Variants in RIPOR2 observed in about 807,000 individuals in gnomAD.
RIPOR2 encodes the protein rho family-interacting cell polarization regulator 2.
A neutral mutation model predicts 114.5 loss-of-function variants in RIPOR2; 39 were observed. The ratio of observed to expected loss-of-function variants is 0.34; its 90% CI spans 0.26 to 0.44. The LOEUF (loss-of-function observed/expected upper bound fraction) is 0.44. RIPOR2 is among the 20% of genes least tolerant of loss of function. The pLI is 1.00. For missense variants in RIPOR2, 1,007 were observed against 1,255.1 expected, an observed-to-expected ratio of 0.80 and a Z score of 2.99; for synonymous variants, 445 against 484.4, an observed-to-expected ratio of 0.92 and a Z score of 1.07.
At chr6:24,876,293 A>G (rs1216887790) in intron 1 of RIPOR2, among the ~76,000 whole-genome samples, 1 of 152,204 alleles carries the variant, frequency 6.6e-6, no homozygotes, top group Non-Finnish European at 1.5e-5. Context: ...TCTGTCTAAA[A>G]AAAAAGAAAA....
At chr6:24,925,625 C>T (rs1354223626) in intron 1 of RIPOR2, among the ~76,000 whole-genome samples, 3 of 152,052 alleles carry the variant, frequency 2.0e-5, no homozygotes, top group African/African-American at 4.8e-5. Context: ...TCGCTTGAAC[C>T]CAGGAGGCGG....
intron 1 of RIPOR2, among the ~76,000 whole-genome samples, chr6:24,892,991 C>A (rs1767517670): frequency 6.6e-6 from 1 of 152,050 alleles, no homozygotes; most frequent in Non-Finnish European, 1.5e-5. Flanking sequence ...ATGATCTTGC[C>A]ACTGACTCCA....
At chr6:24,991,930 A>G (rs1774835685) in intron 1 of RIPOR2, among the ~76,000 whole-genome samples, 1 of 152,168 alleles carries the variant, frequency 6.6e-6, no homozygotes, top group South Asian at 2.1e-4. Context: ...TTTCTGAGAT[A>G]AGAGAGCTCC....
At chr6:25,040,614 C>T (rs1359918168) in intron 1 of RIPOR2, among the ~76,000 whole-genome samples, 4 of 135,836 alleles carry the variant, frequency 2.9e-5, no homozygotes, top group Non-Finnish European at 4.7e-5. Flanking sequence ...TTTTTCGAGA[C>T]AGAGTTTCGC....
chr6:24,953,942 A>T (rs562721130), intron 1 of RIPOR2, among the ~76,000 whole-genome samples: 67 of 152,294 alleles, frequency 4.4e-4, no homozygotes, highest in African/African-American at 1.4e-3. Context: ...TCTCTTGTTA[A>T]TCGGTCCTTT....
chr6:24,909,876 C>G lies in RIPOR2; in HGVS notation c.61+25962G>C, dbSNP rs113111286. ...TACCAATCTCACTCTGCGCCACCCC[C>G]ATCCCAGCAGAATCAGCCCGGTTCT... On this transcript the variant is annotated intron_variant, in intron 1 of 21. Transcript: ENST00000643898. 5.8e-3 allele frequency among the ~76,000 whole-genome samples: 881 copies of G among 152,306 alleles called. 4 individuals are homozygous for G. The highest frequency in any genetic ancestry group is 0.02 in the African/African-American group (816 of 41,546).
At chr6:24,914,319 A>AAAC (rs150955608) in intron 1 of RIPOR2, among the ~76,000 whole-genome samples, 33 of 152,010 alleles carry the variant, frequency 2.2e-4, no homozygotes, top group Middle Eastern at 6.8e-3. Flanking sequence ...CCTGGGTGTC[A>AAAC]AACAACAACA....
intron 1 of RIPOR2, among the ~76,000 whole-genome samples, chr6:24,921,841 A>T (rs113858343): frequency 0.1 from 15,206 of 146,624 alleles, 1,180 homozygotes; most frequent in African/African-American, 0.23. Context: ...TCTTTTTTTT[A>T]AAATTTGAGA....
Position 24,842,856 on chromosome 6 carries a change from ACTTAC to A in RIPOR2, c.1857+1_1857+5del. On this transcript the variant is annotated splice_donor_variant and splice_donor_5th_base_variant and intron_variant, in intron 13 of 21. Transcript: ENST00000643898. LOFTEE classifies it high-confidence loss of function. ...CCTAATCCAATTTCTCTGAAAAGGTACTTACTTTTAGAATATCATCCAAATTCATG... is the reference window on the plus strand; with the variant it reads ...CCTAATCCAATTTCTCTGAAAAGGTATTTTAGAATATCATCCAAATTCATG... 1 of 1,418,152 alleles carries A rather than the reference ACTTAC, an allele frequency of 7.1e-7. No homozygotes were observed. The highest frequency in any genetic ancestry group is 1.8e-5 in the South Asian group (1 of 54,934). 87.8% of individuals were successfully genotyped at this position (1,418,152 alleles called of 1,614,324 possible).
intron 4 of RIPOR2, among the ~76,000 whole-genome samples, chr6:24,871,348 A>G (rs1765148953): frequency 6.6e-6 from 1 of 152,176 alleles, no homozygotes; most frequent in African/African-American, 2.4e-5. Flanking sequence ...TTGATATTTA[A>G]GAAGAGTTTT....
chr6:24,921,387 T>C (rs553910971), intron 1 of RIPOR2, among the ~76,000 whole-genome samples: 2 of 151,768 alleles, frequency 1.3e-5, no homozygotes, highest in African/African-American at 4.8e-5. Flanking sequence ...CGGTCTCAAA[T>C]ACCTGATCTC....
At chr6:24,852,764 A>G (rs544371889) in intron 8 of RIPOR2, 146 bp from the exon 9 acceptor site, 1 of 548,786 alleles carries the variant, frequency 1.8e-6, no homozygotes, top group Admixed American at 3.6e-5. Context: ...CCTGGGGAAC[A>G]GCTGTTTTTG....
intron 1 of RIPOR2, among the ~76,000 whole-genome samples, chr6:24,989,279 T>C (rs1372340171): frequency 6.7e-6 from 1 of 150,254 alleles, no homozygotes; most frequent in Non-Finnish European, 1.5e-5. Context: ...ATTTTACTTA[T>C]ACTAATTGTA....
chr6:24,861,303 T>C (rs1764047299), intron 7 of RIPOR2, among the ~76,000 whole-genome samples: 1 of 152,206 alleles, frequency 6.6e-6, no homozygotes, highest in African/African-American at 2.4e-5. Flanking sequence ...GGGTAGTCTA[T>C]AGGAATTAGC....
At chr6:24,866,359 G>A (rs1764600359) in intron 6 of RIPOR2, among the ~76,000 whole-genome samples, 1 of 151,842 alleles carries the variant, frequency 6.6e-6, no homozygotes, top group East Asian at 1.9e-4. Context: ...TTCTTCTAAG[G>A]CAGTGATTCT....
At position 24,831,161 on chromosome 6, in the gene RIPOR2, G is replaced by A. The variant is rs139199747; in HGVS notation, c.2345-491C>T. On this transcript the variant is annotated intron_variant, in intron 16 of 21. Coordinates refer to ENST00000643898, the MANE Select transcript of RIPOR2 (RefSeq NM_001286445.3). Reference sequence around the variant, plus strand: ...TTCCTGTGTGGTCAGCAGATGGCCCGAAGGGTAAAGAAGTTATGACGAGGA... The same window carrying A: ...TTCCTGTGTGGTCAGCAGATGGCCCAAAGGGTAAAGAAGTTATGACGAGGA... Among the ~76,000 whole-genome samples, 119 of 152,258 alleles carry A rather than the reference G, an allele frequency of 7.8e-4. 1 individual carries two copies. Among genetic ancestry groups the A allele is most frequent in the African/African-American group, 2.7e-3 (113 of 41,544 alleles).
intron 8 of RIPOR2, among the ~76,000 whole-genome samples, chr6:24,856,097 T>G (rs369097928): frequency 6.6e-6 from 1 of 152,124 alleles, no homozygotes; most frequent in African/African-American, 2.4e-5. Context: ...ACCTGACTTA[T>G]AAACGTTGCG....
intron 1 of RIPOR2, among the ~76,000 whole-genome samples, chr6:24,978,456 A>G (rs111726999): frequency 0.011 from 1,600 of 152,302 alleles, 6 homozygotes; most frequent in Admixed American, 0.017. Flanking sequence ...TTTATACCAA[A>G]GGTCTTTGCA....
Position 24,920,818 on chromosome 6 carries a change from A to T in RIPOR2, c.61+15020T>A, listed in dbSNP as rs145661593. Among the ~76,000 whole-genome samples the T allele has an allele frequency of 2.6e-5, 4 of 152,264 alleles. No individual in the cohort carries two copies. In the East Asian group the frequency reaches 7.7e-4, roughly 29 times the overall value. On this transcript the variant is annotated intron_variant, in intron 1 of 21. Coordinates refer to ENST00000643898, the MANE Select transcript of RIPOR2 (RefSeq NM_001286445.3). ...TCCAGCAGCAGTCTTCATTTCAGTA[A>T]AGAGCAATGTTATCCTTCCAGATGC...
Sources: gnomAD v4.1 joint callset for allele counts (sites outside exome capture counted in the v4.1 genomes callset) on GRCh38, gnomAD v4.1.1 for gene constraint, MANE v1.5 for transcripts, NCBI Gene and HGNC (gene_info 2026-07-23, HGNC 2026-07-21) for gene names.